The following EPS8L1 variants were observed in gnomAD, a reference collection of about 807,000 sequenced individuals.
The protein encoded by EPS8L1 is EPS8 signaling adaptor L1.
Under a neutral mutation model 91.7 loss-of-function variants are expected in EPS8L1, and 101 were observed. The observed-to-expected ratio is 1.10, with a 90% CI of 0.94 to 1.30. EPS8L1 has a LOEUF of 1.30. Among genes scored for constraint, EPS8L1 ranks in the 50% most tolerant of loss-of-function variants. The pLI is 0.00. For synonymous variants in EPS8L1, 506 were observed against 445.3 expected (o/e 1.14, Z -1.72); for missense variants, 1,114 against 1,017.0 (o/e 1.10, Z -1.30).
chr19:55,083,601 TCTTA>T lies in EPS8L1; in HGVS notation c.1357-11_1357-8del. 4 of 1,597,042 alleles carry T rather than the reference TCTTA, an allele frequency of 2.5e-6. No homozygotes were observed. Among genetic ancestry groups the T allele is most frequent in the African/African-American group, 1.3e-5 (1 of 74,870 alleles). On this transcript the variant is annotated splice_polypyrimidine_tract_variant and intron_variant, in intron 13 of 19. Coordinates refer to ENST00000201647, the MANE Select transcript of EPS8L1 (RefSeq NM_133180.3). This position sits in a 1 kb window ranked among gnomAD's most constrained non-coding sequence, Gnocchi z 4.7. ...CGCCTGGCCCCGCCTGACCCGACTGTCTTACTTCCTACAGCAAAGCGCCCCCCAG... is the reference window on the plus strand; with the variant it reads ...CGCCTGGCCCCGCCTGACCCGACTGTCTTCCTACAGCAAAGCGCCCCCCAG...
chr19:55,082,166 G>C lies in EPS8L1; in HGVS notation c.976G>C (p.Ala326Pro), dbSNP rs932773398. 20 of 1,599,766 alleles carry C rather than the reference G, an allele frequency of 1.3e-5. No individual in the cohort carries two copies. Among genetic ancestry groups the C allele is most frequent in the Non-Finnish European group, 1.7e-5 (20 of 1,173,754 alleles). Reference sequence around the variant, plus strand: ...CGACGTGCTGCAGAAGATCAAGTACGCCTTCAGCCTGCTGGTGAGGACGCG... The same window carrying C: ...CGACGTGCTGCAGAAGATCAAGTACCCCTTCAGCCTGCTGGTGAGGACGCG... ...YTDVLQKIKY[A>P]FSLLARLRGN... The change falls in exon 10 of 20, where the codon GCC becomes CCC. Residue 326 changes from alanine to proline, a missense_variant. Coordinates refer to ENST00000201647, the MANE Select transcript of EPS8L1 (RefSeq NM_133180.3).
At chr19:55,079,649 A>G (rs774020179) in intron 4 of EPS8L1, 41 bp from the exon 5 acceptor site, 1 of 1,592,856 alleles carries the variant, frequency 6.3e-7, no homozygotes. Flanking sequence ...CCCACCTGGC[A>G]TCATCTTGGG....
At position 55,081,641 on chromosome 19, in the gene EPS8L1, G is replaced by T; in HGVS notation, c.775-132G>T. On this transcript the variant is annotated intron_variant, in intron 8 of 19. Transcript: ENST00000201647. This position sits in a 1 kb window ranked among gnomAD's most constrained non-coding sequence, Gnocchi z 4.9. ...GGGGCTGGGTCGGGGGCGGGGCTTG[G>T]TTGTGGGGCGTGGCCAGGTGTTTGG... 2 of 1,450,394 alleles carry T rather than the reference G, an allele frequency of 1.4e-6. No individual in the cohort carries two copies. Among genetic ancestry groups the T allele is most frequent in the South Asian group, 1.4e-5 (1 of 71,424 alleles). The allele number at this position is 1,450,394 out of a possible 1,614,324, so 89.8% of individuals were successfully genotyped here.
chr19:55,086,841 C>A lies in EPS8L1; in HGVS notation c.1905C>A (p.Asp635Glu). The change falls in exon 18 of 20, where the codon GAC becomes GAA. Residue 635 changes from aspartate to glutamate, a missense_variant. Coordinates refer to ENST00000201647, the MANE Select transcript of EPS8L1 (RefSeq NM_133180.3). ...APEPQLSPGS[D>E]ASEVRAWLQA... ...AACCGCAGCTCAGCCCGGGCTCGGA[C>A]GCCTCCGAGGTCCGCGCCTGGCTGC... is the stretch of plus-strand genomic sequence containing the variant. 1 of 1,530,666 alleles carries A rather than the reference C, an allele frequency of 6.5e-7. No homozygotes were observed. Among genetic ancestry groups the A allele is most frequent in the Non-Finnish European group, 8.8e-7 (1 of 1,141,130 alleles). 94.8% of individuals were successfully genotyped at this position (1,530,666 alleles called of 1,614,324 possible). A position where few individuals can be genotyped will look rare whatever the true frequency, so the allele number is the denominator to read the frequency against.
At chr19:55,085,397 C>G (rs1198825729) in intron 14 of EPS8L1, among the ~76,000 whole-genome samples, 1 of 152,138 alleles carries the variant, frequency 6.6e-6, no homozygotes, top group African/African-American at 2.4e-5. Flanking sequence ...GATCTCTTGA[C>G]CTCATGATCT....
chr19:55,083,909 G>A lies in EPS8L1; in HGVS notation c.1385+265G>A, dbSNP rs1568794900. 3 of 623,924 alleles carry A rather than the reference G, an allele frequency of 4.8e-6. No individual in the cohort carries two copies. The allele number at this position is 623,924 out of a possible 1,614,324, so 38.6% of individuals were successfully genotyped here. On this transcript the variant is annotated intron_variant, in intron 14 of 19. Coordinates refer to ENST00000201647, the MANE Select transcript of EPS8L1 (RefSeq NM_133180.3). This position sits in a 1 kb window ranked among gnomAD's most constrained non-coding sequence, Gnocchi z 4.7. ...GGGCCTAAGGGAGGAAGGGGGCTGG[G>A]AGTGGGTAAAGTCTGAGAGGTTGGA...
rs907245257 is a variant in EPS8L1, at chr19:55,086,586, G to A, written c.1777+68G>A. The A allele has an allele frequency of 9.1e-6, 14 of 1,535,338 alleles. No homozygotes were observed. In the African/African-American group the frequency reaches 1.9e-4, roughly 21 times the overall value. On this transcript the variant is annotated intron_variant, in intron 17 of 19. Transcript: ENST00000201647. ...TTGCTTTCCAGGCAGAGAAACGGGG[G>A]CTCAGAAAGAGCAAAGGGACTCCCG...
rs778795158 is a variant in EPS8L1, at chr19:55,082,151, CAGA to C, written c.965_967del (p.Lys322del). 4.4e-6 allele frequency: 7 copies of C among 1,604,010 alleles called. No individual in the cohort carries two copies. Among genetic ancestry groups the C allele is most frequent in the Non-Finnish European group, 6.0e-6 (7 of 1,175,920 alleles). On this transcript the variant is annotated inframe_deletion, in exon 10 of 20. Coordinates refer to ENST00000201647, the MANE Select transcript of EPS8L1 (RefSeq NM_133180.3). ...GGAGGCCGAGTACACCGACGTGCTG[CAGA>C]AGATCAAGTACGCCTTCAGCCTGCT...
At position 55,083,438 on chromosome 19, in the gene EPS8L1, G is replaced by A. The variant is rs2076312721; in HGVS notation, c.1275G>A (p.Glu425=). 1.2e-6 allele frequency: 2 copies of A among 1,612,172 alleles called. No homozygotes were observed. Among genetic ancestry groups the A allele is most frequent in the Admixed American group, 1.7e-5 (1 of 59,996 alleles). The change falls in exon 13 of 20, where the codon GAG becomes GAA. Residue 425 remains glutamate (E), a synonymous_variant. Transcript: ENST00000201647. The surrounding 1 kb of genome is among the most constrained non-coding windows in gnomAD (Gnocchi z 4.7). ...PYRPEFFSGW[E]PPVTDPQSRA... ...GACCCGAGTTCTTCAGCGGCTGGGA[G>A]CCGCCGGTCACTGACCCGCAGAGCC...
At position 55,083,790 on chromosome 19, in the gene EPS8L1, G is replaced by C. The variant is rs541769468; in HGVS notation, c.1385+146G>C. ...AGGTGGGTGAGATGGTGATGGGGCG[G>C]GCCGGGGCTGGGAGAGAGGGAGGAG... On this transcript the variant is annotated intron_variant, in intron 14 of 19. Transcript: ENST00000201647. The surrounding 1 kb of genome is among the most constrained non-coding windows in gnomAD (Gnocchi z 4.7). The C allele has an allele frequency of 1.4e-5, 15 of 1,037,530 alleles. No homozygotes were observed. The African/African-American group carries it at 2.4e-4, about 16-fold the overall frequency. The allele number at this position is 1,037,530 out of a possible 1,614,324, so 64.3% of individuals were successfully genotyped here.
chr19:55,076,244 T>TG (rs2076130622), intron 1 of EPS8L1, 164 bp from the exon 2 acceptor site: 23 of 511,928 alleles, frequency 4.5e-5, no homozygotes, highest in Admixed American at 1.7e-4. Context: ...GAAGAGGGAC[T>TG]GGGGCCTGGA....
At position 55,082,154 on chromosome 19, in the gene EPS8L1, A is replaced by C; in HGVS notation, c.964A>C (p.Lys322Gln). ...SEAEYTDVLQKIKYAFSLLAR... is the reference protein window; with the variant it reads ...SEAEYTDVLQQIKYAFSLLAR... Reference sequence around the variant, plus strand: ...GGCCGAGTACACCGACGTGCTGCAGAAGATCAAGTACGCCTTCAGCCTGCT... The same window carrying C: ...GGCCGAGTACACCGACGTGCTGCAGCAGATCAAGTACGCCTTCAGCCTGCT... Residue 322 changes from lysine (K) to glutamine (Q), a missense_variant, in exon 10 of 20, where the codon AAG (lysine) becomes CAG (glutamine). Physicochemically the swap from Lys to Gln is moderately conservative, Grantham distance 53 (BLOSUM62 1). Transcript: ENST00000201647. 1 of 1,603,660 alleles carries C rather than the reference A, an allele frequency of 6.2e-7. No homozygotes were observed. The highest frequency in any genetic ancestry group is 8.5e-7 in the Non-Finnish European group (1 of 1,175,746).
At chr19:55,086,953 CG>C in intron 18 of EPS8L1, 65 bp downstream of exon 18, 1 of 1,398,278 alleles carries the variant, frequency 7.2e-7, no homozygotes, top group East Asian at 2.8e-5. Context: ...GCGTTCCGAT[CG>C]GCCGGGAGTC....
chr19:55,080,472 A>C (rs553234650), intron 6 of EPS8L1, 194 bp downstream of exon 6: 1 of 1,613,572 alleles, frequency 6.2e-7, no homozygotes, highest in Admixed American at 1.7e-5. Flanking sequence ...GTCAAGATAG[A>C]ACATGAAGGT....
In EPS8L1 at chr19:55,081,046, C is replaced by G; in HGVS notation, c.513-185C>G. 2.2e-6 allele frequency: 2 copies of G among 929,438 alleles called. No homozygotes were observed. The highest frequency in any genetic ancestry group is 3.1e-6 in the Non-Finnish European group (2 of 637,144). 57.6% of individuals were successfully genotyped at this position (929,438 alleles called of 1,614,324 possible). On this transcript the variant is annotated intron_variant, in intron 7 of 19. Coordinates refer to ENST00000201647, the MANE Select transcript of EPS8L1 (RefSeq NM_133180.3). This position sits in a 1 kb window ranked among gnomAD's most constrained non-coding sequence, Gnocchi z 4.9. ...TCTGCTTCTTTTCTCTGTTCCCTGT[C>G]CAGGCCCTCAGTTTCACTCTAGAGA...
At position 55,087,738 on chromosome 19, in the gene EPS8L1, CCCA is replaced by C; in HGVS notation, c.*125_*127del. 3.0e-6 allele frequency: 3 copies of C among 995,630 alleles called. No individual in the cohort carries two copies. In the South Asian group the frequency reaches 4.4e-5, roughly 14 times the overall value. The allele number at this position is 995,630 out of a possible 1,614,324, so 61.7% of individuals were successfully genotyped here. On this transcript the variant is annotated 3_prime_UTR_variant, in exon 20 of 20. Coordinates refer to ENST00000201647, the MANE Select transcript of EPS8L1 (RefSeq NM_133180.3). ...CAATCTGCTCCGGCCCTGGTCTTCCCCCATCCCGGTGGACAGACTTAACGATCC... is the reference window on the plus strand; with the variant it reads ...CAATCTGCTCCGGCCCTGGTCTTCCCTCCCGGTGGACAGACTTAACGATCC...
intron 17 of EPS8L1, 52 bp downstream of exon 17, chr19:55,086,570 A>T: frequency 6.5e-7 from 1 of 1,540,872 alleles, no homozygotes; most frequent in South Asian, 1.2e-5. Flanking sequence ...CTTGCTTTCC[A>T]GGCAGAGAAA....
rs754471085 is a variant in EPS8L1 at position 55,080,539 on chromosome 19, G to A, written c.430-233G>A. 9.9e-6 allele frequency: 16 copies of A among 1,612,674 alleles called. No homozygotes were observed. The South Asian group carries it at 1.4e-4, about 14-fold the overall frequency. On this transcript the variant is annotated intron_variant, in intron 6 of 19. Coordinates refer to ENST00000201647, the MANE Select transcript of EPS8L1 (RefSeq NM_133180.3). ...AAGGATCTGGGGGAGCAGCCAGGACGAGGTGGGGGCGAGGAACCACCCGGA... is the reference window on the plus strand; with the variant it reads ...AAGGATCTGGGGGAGCAGCCAGGACAAGGTGGGGGCGAGGAACCACCCGGA...
intron 5 of EPS8L1, 38 bp downstream of exon 5, chr19:55,079,889 C>CAG: frequency 6.4e-7 from 1 of 1,566,202 alleles, no homozygotes; most frequent in Admixed American, 1.9e-5. Flanking sequence ...GTGTCTGGGG[C>CAG]AGGGACTTCA....
Sources: gnomAD v4.1 joint callset for allele counts (sites outside exome capture counted in the v4.1 genomes callset) on GRCh38, gnomAD v4.1.1 for gene constraint, Gnocchi (gnomAD v3.1) non-coding constraint, MANE v1.5 for transcripts, NCBI Gene and HGNC (gene_info 2026-07-23, HGNC 2026-07-21) for gene names.